Variants in FRMD5 observed in about 807,000 individuals in gnomAD.
The protein encoded by FRMD5 is FERM domain containing 5.
Under a neutral mutation model 69.0 loss-of-function variants are expected in FRMD5, and 20 were observed. That is an observed-to-expected ratio of 0.29 (90% CI 0.20 to 0.42). The LOEUF is 0.42. FRMD5 is among the 10% of genes least tolerant of loss of function. FRMD5 has a pLI of 1.00. For synonymous variants in FRMD5, 271 were observed against 260.1 expected (o/e 1.04, Z -0.40); for missense variants, 595 against 708.6 (o/e 0.84, Z 1.82).
At chr15:44,133,905 T>G (rs956975077) in intron 1 of FRMD5, among the ~76,000 whole-genome samples, 8 of 152,008 alleles carry the variant, frequency 5.3e-5, no homozygotes, top group Non-Finnish European at 1.2e-4. Context: ...TATAAGCCAA[T>G]GTCCAGAGAT....
At chr15:43,995,868 C>A (rs1394096557) in intron 1 of FRMD5, among the ~76,000 whole-genome samples, 1 of 152,162 alleles carries the variant, frequency 6.6e-6, no homozygotes, top group Non-Finnish European at 1.5e-5. Flanking sequence ...GTTCCTAGAG[C>A]CTGTGTCCAT....
chr15:43,937,792 G>A (rs975409179), intron 1 of FRMD5, among the ~76,000 whole-genome samples: 2 of 152,050 alleles, frequency 1.3e-5, no homozygotes, highest in Non-Finnish European at 2.9e-5. Flanking sequence ...AGCCAGAGGG[G>A]CCCTTTAGAG....
chr15:44,122,041 C>T (rs908612986), intron 1 of FRMD5, among the ~76,000 whole-genome samples: 1 of 145,234 alleles, frequency 6.9e-6, no homozygotes, highest in African/African-American at 2.5e-5. Flanking sequence ...CACTGTAACA[C>T]ATGAAATATA....
At chr15:44,034,832 C>T (rs1468263776) in intron 1 of FRMD5, among the ~76,000 whole-genome samples, 1 of 152,140 alleles carries the variant, frequency 6.6e-6, no homozygotes, top group Admixed American at 6.5e-5. Context: ...ACATGAGGCT[C>T]ATTCTAGCCC....
At chr15:44,062,626 G>T (rs2140384836) in intron 1 of FRMD5, among the ~76,000 whole-genome samples, 1 of 150,036 alleles carries the variant, frequency 6.7e-6, no homozygotes, top group East Asian at 2.0e-4. Flanking sequence ...GGAGGCAGAG[G>T]CTGCAGTGAG....
chr15:43,975,002 G>T (rs1393380401), intron 1 of FRMD5, among the ~76,000 whole-genome samples: 1 of 152,228 alleles, frequency 6.6e-6, no homozygotes, highest in African/African-American at 2.4e-5. Flanking sequence ...GCTCTGCCCA[G>T]TGATGCGGAA....
intron 1 of FRMD5, among the ~76,000 whole-genome samples, chr15:44,080,956 C>A: frequency 6.6e-6 from 1 of 152,048 alleles, no homozygotes; most frequent in Non-Finnish European, 1.5e-5. Flanking sequence ...CTCCATTTTA[C>A]TATATGAGCA....
At chr15:44,040,923 C>G (rs35483478) in intron 1 of FRMD5, among the ~76,000 whole-genome samples, 1 of 138,728 alleles carries the variant, frequency 7.2e-6, no homozygotes, top group Non-Finnish European at 1.5e-5. Flanking sequence ...GGAGACCCAT[C>G]TCATCTGCAA....
chr15:43,897,295 C>G (rs919904310), intron 7 of FRMD5, among the ~76,000 whole-genome samples: 2 of 151,820 alleles, frequency 1.3e-5, no homozygotes, highest in Non-Finnish European at 2.9e-5. Context: ...TGAGACAAGC[C>G]TGGCCAACAT....
rs78976915 is a variant in FRMD5 at position 43,954,327 on chromosome 15, G to C, written c.103-30018C>G. Reference sequence around the variant, plus strand: ...GCTGAGACCCAAAGCAGATGGGCAAGCTCATCACTGCACTGGGTACTGTCC... The same window carrying C: ...GCTGAGACCCAAAGCAGATGGGCAACCTCATCACTGCACTGGGTACTGTCC... On this transcript the variant is annotated intron_variant, in intron 1 of 13. Transcript: ENST00000417257. Among the ~76,000 whole-genome samples the C allele has an allele frequency of 2.6e-3, 402 of 152,312 alleles. 5 individuals carry two copies. The highest frequency in any genetic ancestry group is 9.4e-3 in the African/African-American group (390 of 41,560).
intron 1 of FRMD5, among the ~76,000 whole-genome samples, chr15:44,093,121 G>A (rs1463032697): frequency 3.3e-5 from 5 of 151,582 alleles, no homozygotes; most frequent in South Asian, 4.2e-4. Flanking sequence ...TAGTAGAGAC[G>A]GGGTTTCACC....
In FRMD5 at chr15:43,953,114, A is replaced by G. The variant is rs566044463; in HGVS notation, c.103-28805T>C. Among the ~76,000 whole-genome samples the G allele has an allele frequency of 3.3e-5, 5 of 152,306 alleles. No homozygotes were observed. The South Asian group carries it at 6.2e-4, about 19-fold the overall frequency. On this transcript the variant is annotated intron_variant, in intron 1 of 13. Coordinates refer to ENST00000417257, the MANE Select transcript of FRMD5 (RefSeq NM_032892.5). ...TGTGATAGGAGCCTTGAGCTGCCCC[A>G]GGGGCTATGAAATCCAAGAGCACAG...
At chr15:44,120,915 T>C (rs1264409380) in intron 1 of FRMD5, among the ~76,000 whole-genome samples, 2 of 152,032 alleles carry the variant, frequency 1.3e-5, no homozygotes, top group Non-Finnish European at 1.5e-5. Context: ...TAGCAGGAAA[T>C]TGGGTATACA....
rs117313464 is a variant in FRMD5, at chr15:44,002,488, T to C, written c.103-78179A>G. On this transcript the variant is annotated intron_variant, in intron 1 of 13. Transcript: ENST00000417257. ...AAAGGGCTTTACTCAGCTGTGAGCA[T>C]CGGCGGACTCACATCTCCAAAAACC... 6.5e-3 allele frequency among the ~76,000 whole-genome samples: 985 copies of C among 152,246 alleles called. 5 individuals are homozygous for C. The highest frequency in any genetic ancestry group is 0.019 in the South Asian group (90 of 4,810).
At chr15:44,141,196 T>C (rs1566967747) in intron 1 of FRMD5, among the ~76,000 whole-genome samples, 1 of 152,118 alleles carries the variant, frequency 6.6e-6, no homozygotes, top group East Asian at 1.9e-4. Flanking sequence ...ACTTGATGGA[T>C]AACCACATCA....
chr15:44,012,724 T>C (rs1566897998), intron 1 of FRMD5, among the ~76,000 whole-genome samples: 1 of 151,772 alleles, frequency 6.6e-6, no homozygotes, highest in Non-Finnish European at 1.5e-5. Context: ...TCTTTTGGGT[T>C]CACCTAAAAC....
intron 1 of FRMD5, among the ~76,000 whole-genome samples, chr15:44,105,162 G>A (rs867734403): frequency 1.4e-5 from 2 of 148,012 alleles, no homozygotes; most frequent in East Asian, 2.0e-4. Context: ...CTGCAGCCTC[G>A]ATGTCCCAGG....
intron 1 of FRMD5, among the ~76,000 whole-genome samples, chr15:44,016,577 G>T (rs1890967062): frequency 6.6e-6 from 1 of 152,050 alleles, no homozygotes; most frequent in South Asian, 2.1e-4. Flanking sequence ...CAAAAAATTA[G>T]CCAGGCATGT....
chr15:43,987,479 T>C (rs985784367), intron 1 of FRMD5, among the ~76,000 whole-genome samples: 1 of 152,236 alleles, frequency 6.6e-6, no homozygotes, highest in Admixed American at 6.5e-5. Context: ...AAGACAATTT[T>C]TCCACGGACC....
Sources: gnomAD v4.1 joint callset for allele counts (sites outside exome capture counted in the v4.1 genomes callset) on GRCh38, gnomAD v4.1.1 for gene constraint, MANE v1.5 for transcripts, NCBI Gene and HGNC (gene_info 2026-07-23, HGNC 2026-07-21) for gene names.